The following THSD7B variants were observed in gnomAD, a reference collection of about 807,000 sequenced individuals.
THSD7B encodes thrombospondin type-1 domain-containing protein 7B.
A neutral mutation model predicts 213.6 loss-of-function variants in THSD7B; 138 were observed. That is an observed-to-expected ratio of 0.65 (90% CI 0.56 to 0.74). The LOEUF (loss-of-function observed/expected upper bound fraction) is 0.74. Among genes scored for constraint, THSD7B ranks in the 30% least tolerant of loss-of-function variants. The pLI, the probability that THSD7B is intolerant of heterozygous loss-of-function variation, is 0.00. For missense variants in THSD7B, 1,931 were observed against 1,991.5 expected (o/e 0.97, Z 0.58); for synonymous variants, 742 against 687.0 (o/e 1.08, Z -1.25).
intron 12 of THSD7B, among the ~76,000 whole-genome samples, chr2:137,364,366 T>A (rs1030556817): frequency 1.3e-5 from 2 of 152,172 alleles, no homozygotes; most frequent in Non-Finnish European, 2.9e-5. Context: ...ACCACTCCTG[T>A]TCAACATAGT....
intron 27 of THSD7B, among the ~76,000 whole-genome samples, chr2:137,674,135 A>C (rs1573781352): frequency 6.6e-6 from 1 of 152,168 alleles, no homozygotes; most frequent in East Asian, 1.9e-4. Flanking sequence ...AGATATGACC[A>C]CCTCTAGCCG....
At chr2:137,336,501 A>C (rs1684642016) in intron 12 of THSD7B, among the ~76,000 whole-genome samples, 1 of 152,298 alleles carries the variant, frequency 6.6e-6, no homozygotes, top group African/African-American at 2.4e-5. Flanking sequence ...TAAAGAACTT[A>C]AATAACCTTC....
chr2:136,960,350 G>A (rs1279976457), intron 2 of THSD7B, among the ~76,000 whole-genome samples: 2 of 152,004 alleles, frequency 1.3e-5, no homozygotes, highest in Non-Finnish European at 1.5e-5. Flanking sequence ...TGTTGTCCAG[G>A]CTGGTCTCAA....
chr2:137,531,994 G>A (rs1330243860), intron 15 of THSD7B, among the ~76,000 whole-genome samples: 2 of 151,872 alleles, frequency 1.3e-5, no homozygotes, highest in South Asian at 4.1e-4. Context: ...AACAGAGAGA[G>A]TGTATTTGAC....
At chr2:137,594,987 A>G (rs1031297874) in intron 17 of THSD7B, among the ~76,000 whole-genome samples, 2 of 151,944 alleles carry the variant, frequency 1.3e-5, no homozygotes, top group African/African-American at 4.8e-5. Context: ...TTGTTTTGCT[A>G]TCTTTACTTT....
At chr2:137,304,818 A>C (rs1233901019) in intron 12 of THSD7B, among the ~76,000 whole-genome samples, 2 of 152,022 alleles carry the variant, frequency 1.3e-5, no homozygotes, top group African/African-American at 2.4e-5. Context: ...TTTCTTAGCA[A>C]CTGTGCCTCA....
At chr2:137,374,221 T>C (rs1479021873) in intron 12 of THSD7B, among the ~76,000 whole-genome samples, 1 of 152,176 alleles carries the variant, frequency 6.6e-6, no homozygotes, top group Non-Finnish European at 1.5e-5. Flanking sequence ...GGGATATTTC[T>C]GATTTTTTAA....
chr2:137,560,602 A>G (rs1431424531), intron 15 of THSD7B, among the ~76,000 whole-genome samples: 1 of 152,128 alleles, frequency 6.6e-6, no homozygotes, highest in East Asian at 1.9e-4. Flanking sequence ...TAGGACATAT[A>G]CCTAATGTAA....
intron 1 of THSD7B, among the ~76,000 whole-genome samples, chr2:136,872,063 T>C (rs1358089019): frequency 6.6e-6 from 1 of 152,202 alleles, no homozygotes; most frequent in Non-Finnish European, 1.5e-5. Flanking sequence ...CATACATAGA[T>C]GTTTATAAAT....
At chr2:136,932,051 G>A (rs1312975374) in intron 2 of THSD7B, among the ~76,000 whole-genome samples, 1 of 152,036 alleles carries the variant, frequency 6.6e-6, no homozygotes, top group African/African-American at 2.4e-5. Flanking sequence ...GTACATTGGT[G>A]GCTTTCCTTT....
At chr2:137,606,072 A>T (rs908723580) in intron 17 of THSD7B, among the ~76,000 whole-genome samples, 1 of 152,160 alleles carries the variant, frequency 6.6e-6, no homozygotes, top group African/African-American at 2.4e-5. Flanking sequence ...AAGTGCTGGG[A>T]TTACAGGCGT....
intron 5 of THSD7B, among the ~76,000 whole-genome samples, chr2:137,132,459 A>G (rs537537352): frequency 6.6e-6 from 1 of 152,074 alleles, no homozygotes; most frequent in South Asian, 2.1e-4. Context: ...TTTCCTACTG[A>G]TAAGGCAAGG....
chr2:137,670,006 T>TATATATATATTCAAA (rs1430652019), intron 27 of THSD7B, among the ~76,000 whole-genome samples: 1 of 152,216 alleles, frequency 6.6e-6, no homozygotes, highest in Non-Finnish European at 1.5e-5. Flanking sequence ...ATTCATGGGA[T>TATATATATATTCAAA]ACAAATGCAG....
intron 5 of THSD7B, among the ~76,000 whole-genome samples, chr2:137,119,331 C>A (rs747494755): frequency 6.6e-6 from 1 of 152,156 alleles, no homozygotes; most frequent in Non-Finnish European, 1.5e-5. Flanking sequence ...GTACATCTGT[C>A]ATAAGGGTGT....
intron 12 of THSD7B, among the ~76,000 whole-genome samples, chr2:137,348,933 T>C (rs1268014974): frequency 1.3e-5 from 2 of 151,544 alleles, no homozygotes; most frequent in African/African-American, 4.8e-5. Flanking sequence ...ACTGATACTC[T>C]AAAAGTAAAT....
intron 12 of THSD7B, among the ~76,000 whole-genome samples, chr2:137,276,944 T>G (rs1682888749): frequency 6.6e-6 from 1 of 152,132 alleles, no homozygotes; most frequent in African/African-American, 2.4e-5. Flanking sequence ...TATGGGGATC[T>G]ACAGTGGCTT....
chr2:137,039,949 G>A (rs1487476776), intron 2 of THSD7B, among the ~76,000 whole-genome samples: 4 of 152,206 alleles, frequency 2.6e-5, no homozygotes, highest in African/African-American at 4.8e-5. Context: ...GTCAGAGGGT[G>A]TTGGTTTTCT....
At chr2:137,618,737 A>G (rs568201267) in intron 19 of THSD7B, among the ~76,000 whole-genome samples, 2 of 152,268 alleles carry the variant, frequency 1.3e-5, no homozygotes, top group South Asian at 4.1e-4. Flanking sequence ...TCATTAAAAA[A>G]TATATGTTTT....
chr2:137,443,524 C>T (rs767816401), intron 14 of THSD7B, among the ~76,000 whole-genome samples: 9 of 151,912 alleles, frequency 5.9e-5, no homozygotes, highest in Non-Finnish European at 1.2e-4. Context: ...TTATCTCTTC[C>T]CAAATATGAA....
Sources: gnomAD v4.1 joint callset for allele counts (sites outside exome capture counted in the v4.1 genomes callset) on GRCh38, gnomAD v4.1.1 for gene constraint, MANE v1.5 for transcripts, NCBI Gene and HGNC (gene_info 2026-07-23, HGNC 2026-07-21) for gene names.